FTO: variants seen among roughly 807,000 people sequenced by gnomAD.
FTO encodes alpha-ketoglutarate-dependent dioxygenase FTO.
A neutral mutation model predicts 63.9 loss-of-function variants in FTO; 47 were observed. The ratio of observed to expected loss-of-function variants is 0.74; its 90% confidence interval spans 0.58 to 0.94. FTO has a LOEUF of 0.94. Ranked by LOEUF, FTO falls within the 40% of genes least tolerant of loss-of-function variation. The probability of loss-of-function intolerance (pLI) is 0.00; values close to 1 mark genes in which losing one functional copy is unlikely to be tolerated. For synonymous variants in FTO, 207 were observed against 224.4 expected (o/e 0.92, Z 0.69); for missense variants, 562 against 618.1 (o/e 0.91, Z 0.96).
intron 3 of FTO, among the ~76,000 whole-genome samples, chr16:53,831,469 A>C (rs2079144417): frequency 6.6e-6 from 1 of 152,168 alleles, no homozygotes; most frequent in Non-Finnish European, 1.5e-5. Context: ...GGGGGAAAAA[A>C]CTTATTTGAT....
intron 1 of FTO, among the ~76,000 whole-genome samples, chr16:53,731,612 G>A (rs1285174117): frequency 1.3e-5 from 2 of 152,152 alleles, no homozygotes; most frequent in African/African-American, 2.4e-5. Context: ...CTGTAGCCCA[G>A]GCTGGAGTGC....
chr16:53,982,613 G>C (rs1413738865), intron 8 of FTO, among the ~76,000 whole-genome samples: 2 of 152,272 alleles, frequency 1.3e-5, no homozygotes, highest in Middle Eastern at 3.4e-3. Context: ...GTGATAGAAT[G>C]CTCAGTAATA....
At chr16:53,901,363 TA>T (rs892424712) in intron 7 of FTO, among the ~76,000 whole-genome samples, 1 of 152,238 alleles carries the variant, frequency 6.6e-6, no homozygotes, top group Non-Finnish European at 1.5e-5. Context: ...CTTTTGCTAT[TA>T]GAGTTGTGGT....
At chr16:53,762,122 G>A (rs1290703817) in intron 1 of FTO, among the ~76,000 whole-genome samples, 1 of 152,272 alleles carries the variant, frequency 6.6e-6, no homozygotes, top group East Asian at 1.9e-4. Context: ...GGGAAATCTG[G>A]AACTTGAGTT....
intron 8 of FTO, among the ~76,000 whole-genome samples, chr16:54,050,135 G>T (rs1258064221): frequency 6.6e-6 from 1 of 152,118 alleles, no homozygotes; most frequent in Non-Finnish European, 1.5e-5. Flanking sequence ...CATCACCAAG[G>T]GTGGTAATTT....
intron 8 of FTO, among the ~76,000 whole-genome samples, chr16:53,974,629 A>G (rs1466307542): frequency 6.6e-6 from 1 of 151,640 alleles, no homozygotes; most frequent in Non-Finnish European, 1.5e-5. Flanking sequence ...AATGAACTTG[A>G]TGCTGTATTA....
Position 53,704,180 on chromosome 16 carries a change from GC to G in FTO, c.-4del, listed in dbSNP as rs141907159. ...TGCGGTGGCGAAGGCGGCTTTAGTG[GC>G]AGCATGAAGCGCACCCCGACTGCCG... is the stretch of plus-strand genomic sequence containing the variant. On this transcript the variant is annotated 5_prime_UTR_variant, in exon 1 of 9. Coordinates refer to ENST00000471389, the MANE Select transcript of FTO (RefSeq NM_001080432.3). The G allele has an allele frequency of 1.1e-4, 167 of 1,551,550 alleles. No individual in the cohort carries two copies. The African/African-American group carries it at 2.1e-3, about 20-fold the overall frequency.
In FTO at chr16:54,049,698, G is replaced by C. The variant is rs185758665; in HGVS notation, c.1365-62064G>C. On this transcript the variant is annotated intron_variant, in intron 8 of 8. Coordinates refer to ENST00000471389, the MANE Select transcript of FTO (RefSeq NM_001080432.3). ...GCTGGGACTGCAGTTTACCTCCCCT[G>C]GAGCTGCCCCTCCTTCCCTTCAGGC... Among the ~76,000 whole-genome samples, 1,154 of 152,336 alleles carry C rather than the reference G, an allele frequency of 7.6e-3. 11 individuals carry two copies. The highest frequency in any genetic ancestry group is 0.02 in the Middle Eastern group (6 of 294).
chr16:54,037,222 A>C (rs979792059), intron 8 of FTO, among the ~76,000 whole-genome samples: 14 of 152,186 alleles, frequency 9.2e-5, no homozygotes, highest in African/African-American at 3.4e-4. Flanking sequence ...CCGAGCGAGC[A>C]TGGCTGCCTG....
chr16:53,933,000 G>A (rs558983115), intron 7 of FTO, among the ~76,000 whole-genome samples: 1 of 152,160 alleles, frequency 6.6e-6, no homozygotes, highest in African/African-American at 2.4e-5. Flanking sequence ...AAAAGACTTT[G>A]TAAGAAGAGA....
At chr16:53,959,899 G>T (rs529757155) in intron 8 of FTO, among the ~76,000 whole-genome samples, 2 of 152,266 alleles carry the variant, frequency 1.3e-5, no homozygotes, top group Admixed American at 1.3e-4. Context: ...AGGCCCAGGG[G>T]CATGAAGGTG....
intron 8 of FTO, among the ~76,000 whole-genome samples, chr16:53,980,491 G>C (rs1240808709): frequency 6.6e-6 from 1 of 152,170 alleles, no homozygotes; most frequent in Non-Finnish European, 1.5e-5. Flanking sequence ...TTCAATCCTG[G>C]GAGATTGTAT....
intron 1 of FTO, among the ~76,000 whole-genome samples, chr16:53,778,037 T>G (rs2077502108): frequency 6.6e-6 from 1 of 152,176 alleles, no homozygotes; most frequent in Admixed American, 6.5e-5. Flanking sequence ...CACAGTATAG[T>G]AAAAAGATAG....
chr16:53,749,095 T>C (rs1442487386), intron 1 of FTO, among the ~76,000 whole-genome samples: 1 of 152,216 alleles, frequency 6.6e-6, no homozygotes, highest in Non-Finnish European at 1.5e-5. Flanking sequence ...GATTGTTTTC[T>C]TGATTTCTTT....
At chr16:54,083,297 T>G (rs538443252) in intron 8 of FTO, among the ~76,000 whole-genome samples, 2 of 152,310 alleles carry the variant, frequency 1.3e-5, no homozygotes, top group East Asian at 3.9e-4. Context: ...TATTATAGTG[T>G]CCTGGTTGTT....
intron 8 of FTO, among the ~76,000 whole-genome samples, chr16:54,082,607 T>C (rs1174538105): frequency 6.6e-6 from 1 of 152,214 alleles, no homozygotes; most frequent in African/African-American, 2.4e-5. Flanking sequence ...GGTTTGCTGA[T>C]AGCCTAGATG....
At position 53,942,151 on chromosome 16, in the gene FTO, T is replaced by C. The variant is rs972070039; in HGVS notation, c.1364+8042T>C. Among the ~76,000 whole-genome samples, 3 of 152,326 alleles carry C rather than the reference T, an allele frequency of 2.0e-5. No homozygotes were observed. The South Asian group carries it at 6.2e-4, about 32-fold the overall frequency. ...GAAATCTTGAAATTCGAAGTCAGGA[T>C]GGATCTCTGATATTGGAAGTAAGCA... On this transcript the variant is annotated intron_variant, in intron 8 of 8. Transcript: ENST00000471389.
At chr16:53,799,409 T>C (rs1017884753) in intron 1 of FTO, among the ~76,000 whole-genome samples, 2 of 151,994 alleles carry the variant, frequency 1.3e-5, no homozygotes, top group African/African-American at 4.8e-5. Context: ...TTTCTTTTTC[T>C]TTTTTTTCTT....
At position 53,826,504 on chromosome 16, in the gene FTO, CT is replaced by C; in HGVS notation, c.751+15del. ...TATAGCTGTGAAGGTACAGTCTGCT[CT>C]TGGAAAAAGCAGCCCTGTATGTAAT... On this transcript the variant is annotated intron_variant, in intron 3 of 8. Coordinates refer to ENST00000471389, the MANE Select transcript of FTO (RefSeq NM_001080432.3). 3 of 1,613,596 alleles carry C rather than the reference CT, an allele frequency of 1.9e-6. No individual in the cohort carries two copies. Among genetic ancestry groups the C allele is most frequent in the South Asian group, 2.2e-5 (2 of 91,046 alleles).
Sources: gnomAD v4.1 joint callset for allele counts (sites outside exome capture counted in the v4.1 genomes callset) on GRCh38, gnomAD v4.1.1 for gene constraint, MANE v1.5 for transcripts, NCBI Gene and HGNC (gene_info 2026-07-23, HGNC 2026-07-21) for gene names.